The following PBRM1 variants were observed in gnomAD, a reference collection of about 807,000 sequenced individuals.
The protein encoded by PBRM1 is protein polybromo-1.
In PBRM1, 27 loss-of-function variants were observed where a neutral mutation model predicts 194.5. That is an observed-to-expected ratio of 0.14 (90% CI 0.10 to 0.19). PBRM1 has a LOEUF of 0.19. PBRM1 is among the 10% of genes least tolerant of loss of function. PBRM1 has a pLI of 1.00. For synonymous variants in PBRM1, 655 were observed against 693.2 expected (o/e 0.94, Z 0.87); for missense variants, 1,466 against 2,077.2 (o/e 0.71, Z 5.72).
At chr3:52,588,630 T>C (rs893602787) in intron 18 of PBRM1, among the ~76,000 whole-genome samples, 1 of 149,276 alleles carries the variant, frequency 6.7e-6, no homozygotes, top group East Asian at 2.0e-4. Context: ...CTCGGCTCCC[T>C]TGCAAGCTCC....
chr3:52,648,734 T>C (rs112076564), intron 6 of PBRM1, among the ~76,000 whole-genome samples: 2 of 152,356 alleles, frequency 1.3e-5, no homozygotes, highest in South Asian at 2.1e-4. Context: ...TACAAACACA[T>C]AGTGCTTACT....
intron 13 of PBRM1, among the ~76,000 whole-genome samples, chr3:52,619,347 C>T (rs2095151739): frequency 1.3e-5 from 2 of 152,188 alleles, no homozygotes; most frequent in African/African-American, 4.8e-5. Flanking sequence ...TTGCAAATAA[C>T]ATGTGCACAT....
At chr3:52,585,652 C>G (rs957496417) in intron 20 of PBRM1, 1 of 152,444 alleles carries the variant, frequency 6.6e-6, no homozygotes, top group African/African-American at 2.4e-5. Flanking sequence ...CCTCAGCCTC[C>G]CGTTGGGATT....
chr3:52,635,817 G>A lies in PBRM1; in HGVS notation c.1088-1002C>T, dbSNP rs368918835. ...CCCAGAACTAAAACAGTAACATGAA[G>A]TTTAAGATAGTATAAATTTAGATTG... On this transcript the variant is annotated intron_variant, in intron 10 of 29. Transcript: ENST00000296302. 2.1e-4 allele frequency among the ~76,000 whole-genome samples: 32 copies of A among 152,188 alleles called. 1 individual carries two copies. The South Asian group carries it at 6.6e-3, about 32-fold the overall frequency.
chr3:52,681,400 T>G (rs1181767432), upstream of PBRM1: 1 of 152,322 alleles, frequency 6.6e-6, no homozygotes, highest in Non-Finnish European at 1.5e-5. Flanking sequence ...TTATACAGTA[T>G]TATTAGTTTG....
chr3:52,628,664 G>T (rs1253092442), intron 12 of PBRM1, among the ~76,000 whole-genome samples: 1 of 151,730 alleles, frequency 6.6e-6, no homozygotes, highest in African/African-American at 2.4e-5. Context: ...AGAGATGGGG[G>T]TCTCGCTATG....
chr3:52,644,224 A>G, intron 8 of PBRM1, among the ~76,000 whole-genome samples: 1 of 152,090 alleles, frequency 6.6e-6, no homozygotes, highest in South Asian at 2.1e-4. Flanking sequence ...TTTCTAGTTA[A>G]ATGAAGCCCT....
intron 5 of PBRM1, 95 bp downstream of exon 6, chr3:52,658,104 T>C: frequency 1.4e-6 from 1 of 710,340 alleles, no homozygotes; most frequent in Non-Finnish European, 2.6e-6. Context: ...AACATCTTCC[T>C]TTTGAACTTA....
At chr3:52,600,664 G>A (rs191684227) in intron 17 of PBRM1, among the ~76,000 whole-genome samples, 56 of 152,222 alleles carry the variant, frequency 3.7e-4, no homozygotes, top group Non-Finnish European at 6.5e-4. Context: ...TTTTTGAGAC[G>A]GAGTCTTGCT....
At chr3:52,568,096 A>G (rs547019106) in intron 22 of PBRM1, among the ~76,000 whole-genome samples, 1 of 151,970 alleles carries the variant, frequency 6.6e-6, no homozygotes, top group African/African-American at 2.4e-5. Flanking sequence ...CTCCTGCTTC[A>G]GTCTCCCAGG....
chr3:52,655,857 T>C (rs187593208), intron 5 of PBRM1, among the ~76,000 whole-genome samples: 1 of 152,206 alleles, frequency 6.6e-6, no homozygotes, highest in Non-Finnish European at 1.5e-5. Context: ...TCAACAAGCA[T>C]CTTGCATATC....
At chr3:52,550,314 T>G in intron 29 of PBRM1, 107 bp downstream of exon 31, 1 of 436,552 alleles carries the variant, frequency 2.3e-6, no homozygotes, top group Non-Finnish European at 4.0e-6. Flanking sequence ...TTATTTTAAT[T>G]GTATAAGAAA....
chr3:52,559,465 C>G (rs1037407627), intron 25 of PBRM1, among the ~76,000 whole-genome samples: 4 of 152,130 alleles, frequency 2.6e-5, no homozygotes, highest in African/African-American at 9.7e-5. Flanking sequence ...AAGATCCCCC[C>G]ACTCATCACA....
chr3:52,637,299 T>C (rs973871418), intron 10 of PBRM1, among the ~76,000 whole-genome samples: 11 of 152,154 alleles, frequency 7.2e-5, no homozygotes, highest in African/African-American at 2.7e-4. Flanking sequence ...CTTGTTTCTG[T>C]TGGTAAGGGA....
rs745311528 is a variant in PBRM1 at position 52,563,544 on chromosome 3, T to C, written c.3876-51A>G. The C allele has an allele frequency of 3.1e-5, 41 of 1,320,154 alleles. 1 individual carries two copies. In the Middle Eastern group the frequency reaches 3.3e-3, roughly 106 times the overall value. The allele number at this position is 1,320,154 out of a possible 1,614,324, so 81.8% of individuals were successfully genotyped here. ...AAAATCACCTAATGCCCCTCCAGAA[T>C]AAGCCGGAAAGCAGTGTTCCACCTT... is the stretch of plus-strand genomic sequence containing the variant. On this transcript the variant is annotated intron_variant, in intron 23 of 29. Coordinates refer to ENST00000296302, the Ensembl canonical transcript of PBRM1.
chr3:52,599,424 T>TC (rs1186036379), intron 17 of PBRM1, among the ~76,000 whole-genome samples: 6 of 152,104 alleles, frequency 3.9e-5, no homozygotes, highest in African/African-American at 1.4e-4. Context: ...ATCCTTCCTA[T>TC]CTAACTATAA....
chr3:52,586,707 A>G lies in PBRM1; in HGVS notation c.3124-19T>C, dbSNP rs2092432635. On this transcript the variant is annotated intron_variant, in intron 19 of 29. Transcript: ENST00000296302. The stretch of plus-strand genomic sequence containing the variant: ...AGTATTCCTGGGGGGTGGGGAGGGC[A>G]TAAGAATAAAACTAGTTAGGTGAAT... 2.0e-6 allele frequency: 3 copies of G among 1,513,762 alleles called. No individual in the cohort carries two copies. Among genetic ancestry groups the G allele is most frequent in the Admixed American group, 1.9e-5 (1 of 54,044 alleles). 93.8% of individuals were successfully genotyped at this position (1,513,762 alleles called of 1,614,324 possible).
chr3:52,658,395 C>A, intron 4 of PBRM1, 80 bp from the exon 6 acceptor site: 1 of 725,482 alleles, frequency 1.4e-6, no homozygotes, highest in Non-Finnish European at 2.3e-6. Context: ...AATTGTAGAG[C>A]TAATTCAAAA....
chr3:52,591,735 G>A (rs1363699281), intron 17 of PBRM1, among the ~76,000 whole-genome samples: 1 of 148,692 alleles, frequency 6.7e-6, no homozygotes, highest in Admixed American at 6.7e-5. Context: ...GGCCAGGCTG[G>A]TCTTGAACTT....
Sources: allele counts gnomAD v4.1 joint callset (sites outside exome capture counted in the v4.1 genomes callset), GRCh38; gene constraint gnomAD v4.1.1; transcripts MANE v1.5; gene names NCBI Gene and HGNC (gene_info 2026-07-23, HGNC 2026-07-21).